Variants in PDE3A observed in about 807,000 individuals in gnomAD.
The protein encoded by PDE3A is cGMP-inhibited 3',5'-cyclic phosphodiesterase 3A.
PDE3A carries 43 observed loss-of-function variants against 98.3 expected under a neutral mutation model. The ratio of observed to expected loss-of-function variants is 0.44; its 90% CI spans 0.34 to 0.56. The LOEUF (loss-of-function observed/expected upper bound fraction) is 0.56. Among genes scored for constraint, PDE3A ranks in the 20% least tolerant of loss-of-function variants. The pLI, the probability that PDE3A is intolerant of heterozygous loss-of-function variation, is 0.01. For synonymous variants in PDE3A, 663 were observed against 567.9 expected, an observed-to-expected ratio of 1.17 and a Z score of -2.38; for missense variants, 1,427 against 1,440.7, an observed-to-expected ratio of 0.99 and a Z score of 0.15.
intron 2 of PDE3A, among the ~76,000 whole-genome samples, chr12:20,611,475 A>G (rs1943852750): frequency 6.6e-6 from 1 of 151,738 alleles, no homozygotes; most frequent in Admixed American, 6.6e-5. Flanking sequence ...GAATGAAGCT[A>G]TTTTTCTTTG....
chr12:20,635,401 T>C (rs1397033555), intron 8 of PDE3A, among the ~76,000 whole-genome samples: 9 of 152,014 alleles, frequency 5.9e-5, no homozygotes, highest in Non-Finnish European at 1.3e-4. Flanking sequence ...AAACCCCGTC[T>C]CTACTAAAAA....
At chr12:20,492,570 G>A (rs1438701679) in intron 1 of PDE3A, among the ~76,000 whole-genome samples, 1 of 152,128 alleles carries the variant, frequency 6.6e-6, no homozygotes, top group African/African-American at 2.4e-5. Flanking sequence ...TAGGACCAAA[G>A]GCACGAGGAG....
At chr12:20,508,992 T>G (rs2121108816) in intron 1 of PDE3A, among the ~76,000 whole-genome samples, 1 of 152,196 alleles carries the variant, frequency 6.6e-6, no homozygotes, top group Non-Finnish European at 1.5e-5. Flanking sequence ...ATGCATGTAT[T>G]TTTCGTATAT....
chr12:20,544,848 C>T (rs1942009057), intron 1 of PDE3A, among the ~76,000 whole-genome samples: 1 of 151,716 alleles, frequency 6.6e-6, no homozygotes, highest in African/African-American at 2.4e-5. Flanking sequence ...TGTTTGTGTT[C>T]CATGGAAAAC....
At chr12:20,658,739 C>A (rs1186729383) in intron 15 of PDE3A, among the ~76,000 whole-genome samples, 3 of 152,130 alleles carry the variant, frequency 2.0e-5, no homozygotes, top group African/African-American at 7.2e-5. Flanking sequence ...ATCCTTCCTT[C>A]CTTCATTTAA....
chr12:20,446,506 A>G (rs1818885017), intron 1 of PDE3A, among the ~76,000 whole-genome samples: 1 of 152,176 alleles, frequency 6.6e-6, no homozygotes, highest in African/African-American at 2.4e-5. Context: ...AAGGTTGGTG[A>G]GTAGTGGGGA....
Position 20,533,850 on chromosome 12 carries a change from C to T in PDE3A, c.961-22810C>T, listed in dbSNP as rs557039028. ...GAACAAAGTAGTGACTATTTTAAAC[C>T]AATAGTATACATTTACTAAATTCTT... On this transcript the variant is annotated intron_variant, in intron 1 of 15. Transcript: ENST00000359062. Among the ~76,000 whole-genome samples the T allele has an allele frequency of 3.3e-5, 5 of 152,158 alleles. No homozygotes were observed. In the East Asian group the frequency reaches 7.7e-4, roughly 24 times the overall value.
intron 1 of PDE3A, among the ~76,000 whole-genome samples, chr12:20,476,804 C>T (rs185009149): frequency 6.6e-6 from 1 of 152,288 alleles, no homozygotes; most frequent in Admixed American, 6.5e-5. Context: ...TAACCCTTGG[C>T]AAATTCCATC....
chr12:20,662,977 G>A (rs956972527), intron 15 of PDE3A, among the ~76,000 whole-genome samples: 3 of 152,140 alleles, frequency 2.0e-5, no homozygotes, highest in Non-Finnish European at 2.9e-5. Flanking sequence ...CACAGGCCAG[G>A]CCCCAGACCC....
rs1406505725 is a variant in PDE3A, at chr12:20,650,530, A to G, written c.2855A>G (p.Asn952Ser). 6.8e-6 allele frequency: 11 copies of G among 1,611,464 alleles called. No homozygotes were observed. The highest frequency in any genetic ancestry group is 4.0e-5 in the African/African-American group (3 of 74,874). The part of the protein sequence containing the change: ...CQMCIKLADI[N>S]GPAKCKELHL... ...ATGTGTATAAAGTTGGCTGATATCA[A>G]TGGTCCAGCTAAATGTAAAGAACTC... The change falls in exon 14 of 16, where the codon AAT becomes AGT. Residue 952 changes from asparagine to serine, a missense_variant. By Grantham distance (46) the Asn-to-Ser change is conservative (BLOSUM62 1). Coordinates refer to ENST00000359062, the MANE Select transcript of PDE3A (RefSeq NM_000921.5).
intron 1 of PDE3A, among the ~76,000 whole-genome samples, chr12:20,507,656 C>G (rs1395123891): frequency 6.6e-6 from 1 of 152,070 alleles, no homozygotes; most frequent in Non-Finnish European, 1.5e-5. Context: ...TTTCTAACAG[C>G]TGATGGCAAC....
chr12:20,532,966 G>A (rs1391354829), intron 1 of PDE3A, among the ~76,000 whole-genome samples: 1 of 152,106 alleles, frequency 6.6e-6, no homozygotes, highest in Non-Finnish European at 1.5e-5. Flanking sequence ...GTGAGCCACC[G>A]CGCCCGGCCA....
chr12:20,437,014 T>C (rs1944788757), intron 1 of PDE3A, among the ~76,000 whole-genome samples: 1 of 151,360 alleles, frequency 6.6e-6, no homozygotes, highest in African/African-American at 2.4e-5. Context: ...TCCTCTTTTC[T>C]TTTTGCCTCC....
At chr12:20,561,538 C>A (rs373974863) in intron 2 of PDE3A, among the ~76,000 whole-genome samples, 2 of 151,978 alleles carry the variant, frequency 1.3e-5, no homozygotes, top group Admixed American at 6.6e-5. Flanking sequence ...TACTTTGATT[C>A]GCAAAACATG....
At position 20,648,911 on chromosome 12, in the gene PDE3A, GTTTTCTTTTCT is replaced by G. The variant is rs778113577; in HGVS notation, c.2769+30_2769+40del. On this transcript the variant is annotated intron_variant, in intron 13 of 15. Transcript: ENST00000359062. ...GGCAAGGTAAATAGAGCTGTACCCA[GTTTTCTTTTCT>G]TTTTCTTTTTTTTTTTTTTTTGAGA... 4.0e-5 allele frequency: 40 copies of G among 1,005,100 alleles called. No homozygotes were observed. Among genetic ancestry groups the G allele is most frequent in the Non-Finnish European group, 4.7e-5 (32 of 683,586 alleles). 62.3% of individuals were successfully genotyped at this position (1,005,100 alleles called of 1,614,324 possible). A position where few individuals can be genotyped will look rare whatever the true frequency, so the allele number is the denominator to read the frequency against.
At chr12:20,518,348 A>G (rs1946359462) in intron 1 of PDE3A, among the ~76,000 whole-genome samples, 2 of 152,152 alleles carry the variant, frequency 1.3e-5, no homozygotes, top group Admixed American at 1.3e-4. Context: ...CCTTGCTATG[A>G]CAATGACTGA....
At chr12:20,404,613 A>G (rs1484193669) in intron 1 of PDE3A, among the ~76,000 whole-genome samples, 1 of 152,186 alleles carries the variant, frequency 6.6e-6, no homozygotes, top group Non-Finnish European at 1.5e-5. Context: ...TGGTACTGGC[A>G]ATTCTAGCTT....
intron 1 of PDE3A, among the ~76,000 whole-genome samples, chr12:20,504,668 C>G (rs1401730297): frequency 6.6e-6 from 1 of 152,026 alleles, no homozygotes; most frequent in East Asian, 1.9e-4. Flanking sequence ...GCCCAAGTTC[C>G]TTGGCTTGCG....
In PDE3A at chr12:20,552,783, G is replaced by A. The variant is rs1032792270; in HGVS notation, c.961-3877G>A. The A allele has an allele frequency of 6.2e-7, 1 of 1,614,062 alleles. No individual in the cohort carries two copies. The highest frequency in any genetic ancestry group is 2.2e-5 in the East Asian group (1 of 44,866). On this transcript the variant is annotated intron_variant, in intron 1 of 15. Coordinates refer to ENST00000359062, the MANE Select transcript of PDE3A (RefSeq NM_000921.5). This position sits in a 1 kb window ranked among gnomAD's most constrained non-coding sequence, Gnocchi z 5.1. ...CGTTCCAGTTGTTCCTGAGTAAAGT[G>A]GAGGAGACGTTCCAGTGTATCTGCT...
Sources: allele counts gnomAD v4.1 joint callset (sites outside exome capture counted in the v4.1 genomes callset), GRCh38; gene constraint gnomAD v4.1.1; non-coding constraint Gnocchi (gnomAD v3.1); transcripts MANE v1.5; gene names NCBI Gene and HGNC (gene_info 2026-07-23, HGNC 2026-07-21).